Variants in DDX19A observed in about 807,000 individuals in gnomAD.
The protein encoded by DDX19A is DEAD-box helicase 19A.
DDX19A carries 12 observed loss-of-function variants against 60.6 expected under a neutral mutation model. The observed-to-expected ratio is 0.20, with a 90% confidence interval of 0.13 to 0.32. The LOEUF is 0.32. DDX19A is among the 10% of genes least tolerant of loss of function. The pLI is 1.00. For missense variants in DDX19A, 337 were observed against 600.6 expected, an observed-to-expected ratio of 0.56 and a Z score of 4.59; for synonymous variants, 206 against 218.2, an observed-to-expected ratio of 0.94 and a Z score of 0.49.
Position 70,366,845 on chromosome 16 carries a change from C to T in DDX19A, c.1004C>T (p.Ala335Val). The change falls in exon 9 of 12, where the codon GCC becomes GTC. Residue 335 changes from alanine (A) to valine (V), a missense_variant. By Grantham distance (64) the Ala-to-Val change is moderately conservative. Around this residue, in one of 6 missense-constraint regions of DDX19A, gnomAD observed 117 missense variants for 274.3 expected, o/e 0.43. Transcript: ENST00000302243. Reference protein sequence around the residue: ...NLYGAITIAQAMIFCHTRKTA... With the variant: ...NLYGAITIAQVMIFCHTRKTA... Reference sequence around the variant, plus strand: ...TACGGGGCCATCACCATTGCTCAAGCCATGATCTTCTGCCATGTGAGTAGC... The same window carrying T: ...TACGGGGCCATCACCATTGCTCAAGTCATGATCTTCTGCCATGTGAGTAGC... The T allele has an allele frequency of 6.2e-7, 1 of 1,613,994 alleles. No homozygotes were observed. The highest frequency in any genetic ancestry group is 8.5e-7 in the Non-Finnish European group (1 of 1,179,888).
intron 5 of DDX19A, among the ~76,000 whole-genome samples, chr16:70,362,787 G>A (rs1168328878): frequency 1.3e-5 from 2 of 152,144 alleles, no homozygotes; most frequent in East Asian, 3.9e-4. Flanking sequence ...TGAGGCAGGT[G>A]GATCACTTGA....
chr16:70,371,790 T>C, intron 11 of DDX19A, 135 bp from the exon 12 acceptor site: 3 of 1,371,858 alleles, frequency 2.2e-6, no homozygotes, highest in African/African-American at 1.4e-5. Flanking sequence ...GCTCTGACTG[T>C]TGCTGTCAGT....
chr16:70,348,112 T>C (rs1963896907), intron 1 of DDX19A: 3 of 289,812 alleles, frequency 1.0e-5, no homozygotes, highest in South Asian at 5.2e-5. Context: ...GTAGAAGTTA[T>C]TCTGATAGCC....
At chr16:70,351,229 A>G (rs533686868) in intron 2 of DDX19A, among the ~76,000 whole-genome samples, 4 of 150,090 alleles carry the variant, frequency 2.7e-5, no homozygotes, top group African/African-American at 7.4e-5. Flanking sequence ...TATTTGAGAC[A>G]GGGTCTCACT....
intron 1 of DDX19A, among the ~76,000 whole-genome samples, chr16:70,348,495 C>T (rs962949383): frequency 3.3e-5 from 5 of 151,770 alleles, no homozygotes; most frequent in African/African-American, 9.7e-5. Flanking sequence ...GCGTGGTAGT[C>T]GTCCCCTGTT....
At chr16:70,371,324 C>G in intron 10 of DDX19A, 48 bp from the exon 11 acceptor site, 1 of 1,614,174 alleles carries the variant, frequency 6.2e-7, no homozygotes, top group Non-Finnish European at 8.5e-7. Context: ...ACAGTGATTT[C>G]TGTCTCCTGT....
intron 1 of DDX19A, 56 bp downstream of exon 1, chr16:70,347,104 C>G (rs942800810): frequency 1.6e-5 from 25 of 1,557,506 alleles, no homozygotes; most frequent in Non-Finnish European, 2.2e-5. Context: ...GCGAAACCTC[C>G]CAAAAGCACA....
intron 4 of DDX19A, 140 bp from the exon 5 acceptor site, chr16:70,361,275 GACA>G (rs1964357256): frequency 2.9e-6 from 2 of 681,916 alleles, no homozygotes; most frequent in Admixed American, 5.7e-5. Context: ...TTTGGTTTTT[GACA>G]GTGTTTTTTT....
rs1258774689 is a variant in DDX19A, at chr16:70,357,269, AAAT to A, written c.293+1024_293+1026del. On this transcript the variant is annotated intron_variant, in intron 4 of 11. Transcript: ENST00000302243. ...GCGAGACTCTCTCTCAAAAAAAAAA[AAAT>A]ATATATATATATATATGTATATTTA... Among the ~76,000 whole-genome samples the A allele has an allele frequency of 3.3e-3, 392 of 118,554 alleles. 10 individuals are homozygous for A. The highest frequency in any genetic ancestry group is 0.012 in the African/African-American group (299 of 25,118). The allele number at this position is 118,554 out of a possible 152,430, so 77.8% of individuals were successfully genotyped here. A position where few individuals can be genotyped will look rare whatever the true frequency, so the allele number is the denominator to read the frequency against.
chr16:70,353,679 T>C (rs1269049250), intron 2 of DDX19A, among the ~76,000 whole-genome samples: 3 of 135,854 alleles, frequency 2.2e-5, no homozygotes, highest in Admixed American at 7.5e-5. Flanking sequence ...GGCGGGTGGA[T>C]CACCTGAGGT....
At chr16:70,364,293 G>A in intron 5 of DDX19A, 1 of 424,826 alleles carries the variant, frequency 2.4e-6, no homozygotes, top group Non-Finnish European at 4.3e-6. Flanking sequence ...GGGTCCTTTA[G>A]CTGTGCTAGA....
intron 2 of DDX19A, among the ~76,000 whole-genome samples, chr16:70,350,931 G>T (rs1272055161): frequency 6.6e-6 from 1 of 151,474 alleles, no homozygotes; most frequent in African/African-American, 2.4e-5. Context: ...AGGCTGGAGT[G>T]CAGTGGCACA....
At chr16:70,350,361 A>G (rs1448942913) in intron 1 of DDX19A, among the ~76,000 whole-genome samples, 196 bp from the exon 2 acceptor site, 1 of 152,126 alleles carries the variant, frequency 6.6e-6, no homozygotes, top group Non-Finnish European at 1.5e-5. Flanking sequence ...CCCTTGTTTT[A>G]AGGCTGTTGA....
intron 10 of DDX19A, chr16:70,370,983 G>A (rs1010782019): frequency 2.0e-5 from 6 of 300,994 alleles, no homozygotes; most frequent in East Asian, 8.9e-5. Context: ...CAACAAGAGC[G>A]AAACTCCGTC....
At chr16:70,347,247 A>T (rs1364258945) in intron 1 of DDX19A, 199 bp downstream of exon 1, 1 of 598,146 alleles carries the variant, frequency 1.7e-6, no homozygotes, top group Non-Finnish European at 3.0e-6. Flanking sequence ...TGGGCTGGTT[A>T]AGGACTTCAT....
In DDX19A at chr16:70,356,123, G is replaced by T; in HGVS notation, c.169G>T (p.Ala57Ser). The change falls in exon 4 of 12, where the codon GCC (alanine) becomes TCC (serine). Residue 57 changes from alanine (A) to serine (S), a missense_variant. Around this residue, in one of 6 missense-constraint regions of DDX19A, gnomAD observed 127 missense variants for 160.3 expected, o/e 0.79. Coordinates refer to ENST00000302243, the MANE Select transcript of DDX19A (RefSeq NM_018332.5). ...TTTCTTCCTGACAGAGGACAGAGCT[G>T]CCCAGTCCTTACTCAACAAGCTGAT... ...TDEEEKEDRA[A>S]QSLLNKLIRS... 1 of 1,613,832 alleles carries T rather than the reference G, an allele frequency of 6.2e-7. No individual in the cohort carries two copies. The highest frequency in any genetic ancestry group is 1.7e-4 in the Middle Eastern group (1 of 5,892).
intron 2 of DDX19A, among the ~76,000 whole-genome samples, chr16:70,354,574 G>C (rs932336903): frequency 1.4e-4 from 22 of 152,174 alleles, no homozygotes; most frequent in African/African-American, 5.3e-4. Context: ...TTGCTAATAA[G>C]GCTGTATTTT....
intron 3 of DDX19A, 97 bp from the exon 4 acceptor site, chr16:70,356,015 A>T (rs1441459017): frequency 6.6e-7 from 1 of 1,511,080 alleles, no homozygotes; most frequent in Non-Finnish European, 9.1e-7. Context: ...GCCGTGCTTG[A>T]CTGCCCAGGT....
At chr16:70,351,063 T>G (rs1199260275) in intron 2 of DDX19A, among the ~76,000 whole-genome samples, 2 of 150,422 alleles carry the variant, frequency 1.3e-5, no homozygotes, top group Non-Finnish European at 3.0e-5. Context: ...TTTGTATTTT[T>G]AGTAGAGATA....
Sources: allele counts gnomAD v4.1 joint callset (sites outside exome capture counted in the v4.1 genomes callset), GRCh38; gene constraint gnomAD v4.1.1; regional missense constraint gnomAD v4.1.1; transcripts MANE v1.5; gene names NCBI Gene and HGNC (gene_info 2026-07-23, HGNC 2026-07-21).